Variants in MAP2K5 observed in about 807,000 individuals in gnomAD.
MAP2K5 encodes mitogen-activated protein kinase kinase 5, also known as dual specificity mitogen-activated protein kinase kinase 5.
A neutral mutation model predicts 83.1 loss-of-function variants in MAP2K5; 49 were observed. The observed-to-expected ratio is 0.59, with a 90% confidence interval of 0.47 to 0.75. The LOEUF is 0.75. Ranked by LOEUF, MAP2K5 falls within the 30% of genes least tolerant of loss-of-function variation. The pLI is 0.00. For missense variants in MAP2K5, 457 were observed against 557.5 expected (o/e 0.82, Z 1.82); for synonymous variants, 202 against 191.8 (o/e 1.05, Z -0.44).
intron 15 of MAP2K5, among the ~76,000 whole-genome samples, chr15:67,700,013 T>G (rs2141211769): frequency 6.6e-6 from 1 of 152,278 alleles, no homozygotes; most frequent in Admixed American, 6.5e-5. Context: ...GATACATATT[T>G]TGACTATACA....
In MAP2K5 at chr15:67,723,227, G is replaced by T. The variant is rs182422220; in HGVS notation, c.1045-4689G>T. Among the ~76,000 whole-genome samples, 611 of 152,220 alleles carry T rather than the reference G, an allele frequency of 4.0e-3. 5 individuals carry two copies. Among genetic ancestry groups the T allele is most frequent in the Non-Finnish European group, 5.4e-3 (369 of 67,988 alleles). Reference sequence around the variant, plus strand: ...TAACTTCTTTTTGTTAAAATACAAAGATTTTTATCGTGTTATATATTTGGC... The same window carrying T: ...TAACTTCTTTTTGTTAAAATACAAATATTTTTATCGTGTTATATATTTGGC... On this transcript the variant is annotated intron_variant, in intron 16 of 21. Coordinates refer to ENST00000178640, the MANE Select transcript of MAP2K5 (RefSeq NM_145160.3).
chr15:67,641,789 G>T (rs2086716665), intron 9 of MAP2K5: 1 of 199,002 alleles, frequency 5.0e-6, no homozygotes, highest in Non-Finnish European at 9.0e-6. Flanking sequence ...ACTTTCCTTG[G>T]ACTCCAAAAA....
intron 8 of MAP2K5, among the ~76,000 whole-genome samples, chr15:67,630,185 G>A (rs2086436074): frequency 6.6e-6 from 1 of 152,164 alleles, no homozygotes; most frequent in Admixed American, 6.5e-5. Context: ...AGTGATCTGT[G>A]ATTATGCCAC....
intron 9 of MAP2K5, among the ~76,000 whole-genome samples, chr15:67,642,748 A>T (rs1449250652): frequency 6.6e-6 from 1 of 152,150 alleles, no homozygotes; most frequent in East Asian, 1.9e-4. Flanking sequence ...TATATTGTGG[A>T]AGAATTCCTT....
chr15:67,791,785 A>G (rs1333251282), intron 21 of MAP2K5, among the ~76,000 whole-genome samples: 1 of 152,234 alleles, frequency 6.6e-6, no homozygotes, highest in East Asian at 1.9e-4. Flanking sequence ...TGCTGGTATC[A>G]GTAAATATAA....
rs912457281 is a variant in MAP2K5 at position 67,644,473 on chromosome 15, GTCT to G, written c.586-1753_586-1751del. Among the ~76,000 whole-genome samples the G allele has an allele frequency of 1.3e-5, 2 of 151,838 alleles. No homozygotes were observed. The highest frequency in any genetic ancestry group is 4.8e-5 in the African/African-American group (2 of 41,320). On this transcript the variant is annotated intron_variant, in intron 9 of 21. Coordinates refer to ENST00000178640, the MANE Select transcript of MAP2K5 (RefSeq NM_145160.3). This position sits in a 1 kb window ranked among gnomAD's most constrained non-coding sequence, Gnocchi z 4.6. Reference sequence around the variant, plus strand: ...TGCTTAGTAGAATTTGAACAGTATGGTCTTCTTTCTTAAAAAAATATGTGTTTG... The same window carrying G: ...TGCTTAGTAGAATTTGAACAGTATGGTCTTTCTTAAAAAAATATGTGTTTG...
rs977050110 is a variant in MAP2K5 at position 67,708,772 on chromosome 15, A to G, written c.1044+5364A>G. Among the ~76,000 whole-genome samples the G allele has an allele frequency of 3.9e-5, 6 of 152,194 alleles. No homozygotes were observed. Among genetic ancestry groups the G allele is most frequent in the Non-Finnish European group, 7.3e-5 (5 of 68,040 alleles). ...CTCTTGCCACACTCTTTCATAAAAG[A>G]TGATGCTACATGCTGCTAAAATGTG... is the stretch of plus-strand genomic sequence containing the variant. On this transcript the variant is annotated intron_variant, in intron 16 of 21. Transcript: ENST00000178640. The surrounding 1 kb of genome is among the most constrained non-coding windows in gnomAD (Gnocchi z 4.9).
At chr15:67,618,112 T>G (rs1457621077) in intron 8 of MAP2K5, among the ~76,000 whole-genome samples, 1 of 152,252 alleles carries the variant, frequency 6.6e-6, no homozygotes, top group Non-Finnish European at 1.5e-5. Flanking sequence ...TAACCTTTTA[T>G]GTATTGTACT....
At chr15:67,739,166 G>A (rs1300813086) in intron 17 of MAP2K5, among the ~76,000 whole-genome samples, 1 of 151,028 alleles carries the variant, frequency 6.6e-6, no homozygotes, top group Non-Finnish European at 1.5e-5. Flanking sequence ...TATAGTCCCA[G>A]CTATTCAGGA....
intron 1 of MAP2K5, among the ~76,000 whole-genome samples, chr15:67,545,988 C>T (rs2084381827): frequency 6.6e-6 from 1 of 152,170 alleles, no homozygotes; most frequent in Non-Finnish European, 1.5e-5. Context: ...ACACGAGTGG[C>T]CCCACCACTA....
chr15:67,678,888 T>TGA (rs1364480670), intron 13 of MAP2K5, among the ~76,000 whole-genome samples: 1 of 143,522 alleles, frequency 7.0e-6, no homozygotes, highest in Non-Finnish European at 1.5e-5. Context: ...TGCTTGCACC[T>TGA]GAGAGTCGGA....
intron 16 of MAP2K5, among the ~76,000 whole-genome samples, chr15:67,709,585 T>C (rs2088640589): frequency 6.6e-6 from 1 of 152,112 alleles, no homozygotes; most frequent in Non-Finnish European, 1.5e-5. Flanking sequence ...GGCTAAAACA[T>C]TTTAGAGCAT....
At chr15:67,716,160 A>G (rs928136819) in intron 16 of MAP2K5, among the ~76,000 whole-genome samples, 1 of 152,138 alleles carries the variant, frequency 6.6e-6, no homozygotes, top group African/African-American at 2.4e-5. Flanking sequence ...AGAATACTTG[A>G]TCATTGTACC....
chr15:67,588,566 G>A (rs928380961), intron 6 of MAP2K5, among the ~76,000 whole-genome samples: 1 of 152,214 alleles, frequency 6.6e-6, no homozygotes. Context: ...CCAATTCCCA[G>A]CATGATGCTT....
intron 8 of MAP2K5, among the ~76,000 whole-genome samples, chr15:67,625,807 G>A (rs1312323969): frequency 4.6e-5 from 7 of 152,208 alleles, no homozygotes; most frequent in South Asian, 2.1e-4. Flanking sequence ...ATGAATTAGC[G>A]TGCATCATAA....
chr15:67,570,311 T>G (rs962570679), intron 3 of MAP2K5, among the ~76,000 whole-genome samples: 35 of 152,228 alleles, frequency 2.3e-4, no homozygotes, highest in African/African-American at 8.2e-4. Flanking sequence ...TCCAATAACA[T>G]GAGCCTATAA....
At position 67,628,215 on chromosome 15, in the gene MAP2K5, C is replaced by T. The variant is rs565573537; in HGVS notation, c.546-2673C>T. On this transcript the variant is annotated intron_variant, in intron 8 of 21. Coordinates refer to ENST00000178640, the MANE Select transcript of MAP2K5 (RefSeq NM_145160.3). ...AGATACTGAAGGCTGGGTGCAGTGG[C>T]CCATGCCTGTAATCCCAACACTTTG... The T allele has an allele frequency of 1.0e-4, 73 of 724,894 alleles. No homozygotes were observed. The African/African-American group carries it at 1.1e-3, about 11-fold the overall frequency. The allele number at this position is 724,894 out of a possible 1,614,324, so 44.9% of individuals were successfully genotyped here.
intron 13 of MAP2K5, among the ~76,000 whole-genome samples, chr15:67,687,187 A>G (rs1234985618): frequency 6.6e-6 from 1 of 152,194 alleles, no homozygotes; most frequent in African/African-American, 2.4e-5. Context: ...AACTTTTTAG[A>G]AGTTAAATCA....
intron 15 of MAP2K5, among the ~76,000 whole-genome samples, chr15:67,697,425 A>G (rs189565205): frequency 7.0e-4 from 107 of 152,370 alleles, no homozygotes; most frequent in African/African-American, 2.3e-3. Flanking sequence ...CACAAAGCTC[A>G]TAAGTGTCAA....
Sources: allele counts gnomAD v4.1 joint callset (sites outside exome capture counted in the v4.1 genomes callset), GRCh38; gene constraint gnomAD v4.1.1; non-coding constraint Gnocchi (gnomAD v3.1); transcripts MANE v1.5; gene names NCBI Gene and HGNC (gene_info 2026-07-23, HGNC 2026-07-21).